The following CAMTA1 variants were observed in gnomAD, a reference collection of about 807,000 sequenced individuals.
The protein encoded by CAMTA1 is calmodulin binding transcription activator 1.
CAMTA1 carries 27 observed loss-of-function variants against 170.9 expected under a neutral mutation model. The observed-to-expected ratio is 0.16, with a 90% CI of 0.12 to 0.22. The LOEUF is 0.22. CAMTA1 is among the 10% of genes least tolerant of loss of function. CAMTA1 has a pLI of 1.00. For missense variants in CAMTA1, 1,619 were observed against 2,217.2 expected, an observed-to-expected ratio of 0.73 and a Z score of 5.42; for synonymous variants, 833 against 891.5, an observed-to-expected ratio of 0.93 and a Z score of 1.17.
Position 7,087,219 on chromosome 1 carries a change from C to T in CAMTA1, c.235-4085C>T, listed in dbSNP as rs151314498. 3.3e-5 allele frequency among the ~76,000 whole-genome samples: 5 copies of T among 152,346 alleles called. No individual in the cohort carries two copies. The East Asian group carries it at 9.6e-4, about 29-fold the overall frequency. On this transcript the variant is annotated intron_variant, in intron 3 of 22. Transcript: ENST00000303635. ...GAGCTAAAAACCTTTCTTTTCACAA[C>T]TCCTTCCCCTCGTCGGCGGGAGCAT...
At chr1:7,531,733 C>T (rs141722006) in intron 6 of CAMTA1, among the ~76,000 whole-genome samples, 174 of 152,352 alleles carry the variant, frequency 1.1e-3, no homozygotes, top group African/African-American at 3.2e-3. Flanking sequence ...CCTCCAGAAG[C>T]GCAGAGCTTC....
chr1:7,563,128 G>C (rs2094982696), intron 6 of CAMTA1, among the ~76,000 whole-genome samples: 1 of 152,212 alleles, frequency 6.6e-6, no homozygotes, highest in Non-Finnish European at 1.5e-5. Context: ...CAGGGTCCCT[G>C]GTCATCGGGC....
intron 7 of CAMTA1, among the ~76,000 whole-genome samples, chr1:7,649,267 G>A (rs979857191): frequency 6.6e-6 from 1 of 152,244 alleles, no homozygotes; most frequent in Non-Finnish European, 1.5e-5. Flanking sequence ...TGTCCCCACG[G>A]CAGCCCAGAC....
At chr1:7,157,612 C>T (rs370002512) in intron 4 of CAMTA1, among the ~76,000 whole-genome samples, 17 of 152,056 alleles carry the variant, frequency 1.1e-4, no homozygotes, top group African/African-American at 4.1e-4. Context: ...GTAGATGGTA[C>T]GAACAATTTG....
chr1:7,420,783 G>A (rs961312916), intron 5 of CAMTA1, among the ~76,000 whole-genome samples: 1 of 152,246 alleles, frequency 6.6e-6, no homozygotes, highest in Non-Finnish European at 1.5e-5. Context: ...AAATGTGTCT[G>A]TGCAGCAGGG....
intron 5 of CAMTA1, among the ~76,000 whole-genome samples, chr1:7,451,761 G>GCTCCCACGGGA (rs1233007103): frequency 2.6e-5 from 4 of 152,168 alleles, no homozygotes; most frequent in Non-Finnish European, 5.9e-5. Context: ...GAGCTCCAGA[G>GCTCCCACGGGA]GGTTCTCACC....
chr1:6,927,846 C>T (rs558718790), intron 3 of CAMTA1, among the ~76,000 whole-genome samples: 79 of 152,356 alleles, frequency 5.2e-4, no homozygotes, highest in Non-Finnish European at 8.7e-4. Context: ...GTTTGGGAAC[C>T]GTGTTTCTAG....
intron 4 of CAMTA1, among the ~76,000 whole-genome samples, chr1:7,161,440 T>A (rs1647209559): frequency 6.6e-6 from 1 of 152,228 alleles, no homozygotes; most frequent in Non-Finnish European, 1.5e-5. Context: ...CCAAATCTCA[T>A]CTTGAATTGG....
intron 5 of CAMTA1, among the ~76,000 whole-genome samples, chr1:7,288,162 A>G (rs1324694005): frequency 6.6e-6 from 1 of 152,166 alleles, no homozygotes; most frequent in Non-Finnish European, 1.5e-5. Flanking sequence ...TGGAGCCGGG[A>G]TTCAGGAATA....
chr1:7,590,874 A>G (rs764299586), intron 6 of CAMTA1, among the ~76,000 whole-genome samples: 3 of 152,254 alleles, frequency 2.0e-5, no homozygotes, highest in Non-Finnish European at 2.9e-5. Flanking sequence ...CAGGATCACC[A>G]GACAAAACCT....
intron 5 of CAMTA1, among the ~76,000 whole-genome samples, chr1:7,280,643 A>G (rs967992678): frequency 1.3e-5 from 2 of 152,240 alleles, no homozygotes; most frequent in Admixed American, 6.5e-5. Context: ...TGACTGCATC[A>G]CCTTCTTCCT....
chr1:6,893,985 C>T (rs1675119316), intron 3 of CAMTA1, among the ~76,000 whole-genome samples: 1 of 152,186 alleles, frequency 6.6e-6, no homozygotes, highest in South Asian at 2.1e-4. Flanking sequence ...TCTCTCTTTT[C>T]TTTACCCACC....
chr1:7,763,136 A>G (rs1193317939), intron 22 of CAMTA1, among the ~76,000 whole-genome samples: 1 of 152,220 alleles, frequency 6.6e-6, no homozygotes, highest in East Asian at 1.9e-4. Flanking sequence ...TAAATCTCAG[A>G]TTCTGCATTT....
Position 7,565,775 on chromosome 1 carries a change from G to A in CAMTA1, c.511-74625G>A, listed in dbSNP as rs2095033190. 6.6e-6 allele frequency among the ~76,000 whole-genome samples: 1 copy of A among 152,158 alleles called. No homozygotes were observed. The highest frequency in any genetic ancestry group is 2.1e-4 in the South Asian group (1 of 4,820). On this transcript the variant is annotated intron_variant, in intron 6 of 22. Transcript: ENST00000303635. This position sits in a 1 kb window ranked among gnomAD's most constrained non-coding sequence, Gnocchi z 4.5. ...CAGGCTGCCATGACAAAATACCATA[G>A]ACCGGGTGGCTTAAACAGTAGACAT...
chr1:7,509,374 G>A (rs1336873271), intron 6 of CAMTA1, among the ~76,000 whole-genome samples: 1 of 152,176 alleles, frequency 6.6e-6, no homozygotes, highest in African/African-American at 2.4e-5. Context: ...GGCAACACTT[G>A]GGGGTCGGGG....
chr1:7,731,264 G>A (rs769697096), intron 11 of CAMTA1, among the ~76,000 whole-genome samples: 15 of 152,156 alleles, frequency 9.9e-5, no homozygotes, highest in Admixed American at 5.2e-4. Context: ...GTTTGTCTCC[G>A]ATGAGACATG....
chr1:7,511,046 C>T (rs2094195777), intron 6 of CAMTA1, among the ~76,000 whole-genome samples: 1 of 145,368 alleles, frequency 6.9e-6, no homozygotes, highest in South Asian at 2.3e-4. Flanking sequence ...GGCACTCGCC[C>T]GATTGCCCGA....
chr1:7,257,785 GCAT>G (rs1418681947), intron 5 of CAMTA1, among the ~76,000 whole-genome samples: 2 of 152,118 alleles, frequency 1.3e-5, no homozygotes, highest in East Asian at 3.9e-4. Context: ...AGTTTGCTGG[GCAT>G]CATGTATTTT....
At chr1:7,183,598 G>C (rs138052732) in intron 4 of CAMTA1, among the ~76,000 whole-genome samples, 2 of 152,290 alleles carry the variant, frequency 1.3e-5, no homozygotes, top group African/African-American at 4.8e-5. Flanking sequence ...ATAAGTGCTG[G>C]TGCATAATGC....
Sources: allele counts gnomAD v4.1 joint callset (sites outside exome capture counted in the v4.1 genomes callset), GRCh38; gene constraint gnomAD v4.1.1; non-coding constraint Gnocchi (gnomAD v3.1); transcripts MANE v1.5; gene names NCBI Gene and HGNC (gene_info 2026-07-23, HGNC 2026-07-21).